Variants in KLC1 observed in about 807,000 individuals in gnomAD.
KLC1 encodes kinesin light chain 1.
KLC1 carries 30 observed loss-of-function variants against 84.2 expected under a neutral mutation model. That is an observed-to-expected ratio of 0.36 (90% confidence interval 0.27 to 0.48). The LOEUF (loss-of-function observed/expected upper bound fraction) is 0.48, where lower values mean the gene tolerates loss of function less well. Ranked by LOEUF, KLC1 falls within the 20% of genes least tolerant of loss-of-function variation. KLC1 has a pLI of 0.99. For synonymous variants in KLC1, 289 were observed against 293.3 expected (o/e 0.99, Z 0.15); for missense variants, 499 against 805.4 (o/e 0.62, Z 4.60).
chr14:103,657,884 C>A, intron 3 of KLC1, 108 bp downstream of exon 3: 2 of 788,394 alleles, frequency 2.5e-6, no homozygotes, highest in Non-Finnish European at 2.0e-6. Flanking sequence ...CATATTAGAA[C>A]ATTAGAACAT....
At chr14:103,634,355 T>C (rs74812389) in intron 1 of KLC1, among the ~76,000 whole-genome samples, 2,613 of 152,264 alleles carry the variant, frequency 0.017, 67 homozygotes, top group African/African-American at 0.056. Flanking sequence ...ATTTGGGTGA[T>C]TCACTGGCTG....
intron 13 of KLC1, among the ~76,000 whole-genome samples, chr14:103,684,587 G>A (rs2081626839): frequency 6.6e-6 from 1 of 152,244 alleles, no homozygotes. Flanking sequence ...GGTCTGCAGA[G>A]GCTCAGGGAG....
intron 14 of KLC1, among the ~76,000 whole-genome samples, chr14:103,690,470 A>T (rs1191726153): frequency 6.6e-6 from 1 of 152,210 alleles, no homozygotes; most frequent in African/African-American, 2.4e-5. Context: ...GCCATGTGCC[A>T]GGCGCTGTGC....
chr14:103,692,535 G>T, intron 15 of KLC1, 110 bp downstream of exon 15: 1 of 800,308 alleles, frequency 1.2e-6, no homozygotes, highest in Non-Finnish European at 2.0e-6. Flanking sequence ...AGAGGGCTGG[G>T]GACGCCGCCA....
intron 5 of KLC1, among the ~76,000 whole-genome samples, chr14:103,666,636 A>ATTTTTTTTTTTTTTTT: frequency 6.9e-6 from 1 of 143,948 alleles, no homozygotes; most frequent in Non-Finnish European, 1.5e-5. Context: ...TTGCTCTTGT[A>ATTTTTTTTTTTTTTTT]CCCCTGGCTG....
chr14:103,660,158 C>G (rs2079156559), intron 3 of KLC1, among the ~76,000 whole-genome samples: 1 of 152,168 alleles, frequency 6.6e-6, no homozygotes, highest in South Asian at 2.1e-4. Context: ...CACATCTCCT[C>G]TAGGTTAGGG....
chr14:103,700,440 A>C, intron 15 of KLC1: 1 of 469,584 alleles, frequency 2.1e-6, no homozygotes, highest in Non-Finnish European at 3.7e-6. Flanking sequence ...GTGATGGGGG[A>C]GGGTGACACA....
chr14:103,683,385 C>T (rs1459409095), intron 13 of KLC1: 1 of 152,230 alleles, frequency 6.6e-6, no homozygotes, highest in African/African-American at 2.4e-5. Context: ...AAGCCGCCGT[C>T]ACCGTGAGTC....
At chr14:103,677,718 GGAGGCCAGCGTGGGCA>G (rs1409085868) in intron 12 of KLC1, among the ~76,000 whole-genome samples, 195 bp downstream of exon 12, 5 of 152,232 alleles carry the variant, frequency 3.3e-5, no homozygotes, top group African/African-American at 1.2e-4. Context: ...CAGCACTTTG[GGAGGCCAGCGTGGGCA>G]GATCACCTGA....
At chr14:103,679,253 T>G in intron 12 of KLC1, 131 bp from the exon 13 acceptor site, 2 of 1,241,172 alleles carry the variant, frequency 1.6e-6, no homozygotes, top group Non-Finnish European at 2.2e-6. Flanking sequence ...AAGGAACCAC[T>G]CTTCCAATGT....
chr14:103,631,755 A>T (rs1367569183), intron 1 of KLC1, among the ~76,000 whole-genome samples: 1 of 151,860 alleles, frequency 6.6e-6, no homozygotes, highest in Non-Finnish European at 1.5e-5. Flanking sequence ...CCACTACCAC[A>T]CCAGGCTGAT....
intron 5 of KLC1, among the ~76,000 whole-genome samples, chr14:103,668,290 T>G (rs1233819011): frequency 6.6e-6 from 1 of 152,214 alleles, no homozygotes; most frequent in Non-Finnish European, 1.5e-5. Context: ...ACTTATTCTG[T>G]GCTGGCCAGC....
intron 15 of KLC1, chr14:103,696,972 G>A (rs1382359791): frequency 2.0e-6 from 2 of 985,298 alleles, no homozygotes; most frequent in African/African-American, 3.5e-5. Context: ...CTTCCCTCCA[G>A]GGGCAGGAAC....
At chr14:103,646,108 C>G (rs776211158) in intron 1 of KLC1, among the ~76,000 whole-genome samples, 1 of 152,082 alleles carries the variant, frequency 6.6e-6, no homozygotes, top group Non-Finnish European at 1.5e-5. Context: ...CCCTCATTGA[C>G]CAAAATGTCA....
At chr14:103,688,638 C>G (rs1341560866) in intron 14 of KLC1, among the ~76,000 whole-genome samples, 2 of 152,028 alleles carry the variant, frequency 1.3e-5, no homozygotes, top group African/African-American at 4.8e-5. Flanking sequence ...CTGTGGGAGT[C>G]TCTGTCGTGG....
chr14:103,661,816 C>T (rs1236756450), intron 3 of KLC1, among the ~76,000 whole-genome samples: 1 of 152,100 alleles, frequency 6.6e-6, no homozygotes, highest in Non-Finnish European at 1.5e-5. Flanking sequence ...AGGGTTTTCC[C>T]TGCTCTCCTA....
chr14:103,652,481 A>G (rs1350500711), intron 1 of KLC1, among the ~76,000 whole-genome samples: 7 of 152,004 alleles, frequency 4.6e-5, no homozygotes, highest in Admixed American at 3.9e-4. Flanking sequence ...TGTCAGGTAG[A>G]GGAGTGGCCT....
intron 15 of KLC1, 49 bp downstream of exon 15, chr14:103,692,474 G>A (rs1175473158): frequency 2.0e-6 from 3 of 1,496,530 alleles, no homozygotes; most frequent in Admixed American, 2.0e-5. Flanking sequence ...GACCACGCTG[G>A]CAGGTCTGCT....
Position 103,694,107 on chromosome 14 carries a change from G to A in KLC1, c.1848+1682G>A. 1.0e-6 allele frequency: 1 copy of A among 985,132 alleles called. No homozygotes were observed. The highest frequency in any genetic ancestry group is 1.2e-6 in the Non-Finnish European group (1 of 829,520). The allele number at this position is 985,132 out of a possible 1,614,324, so 61.0% of individuals were successfully genotyped here. ...CTTAGCGGACACTGGTCAGTGGGAA[G>A]TGAATTCCTTCCCAGCTGGAGCATC... is the stretch of plus-strand genomic sequence containing the variant. On this transcript the variant is annotated intron_variant, in intron 15 of 16. Transcript: ENST00000334553. The surrounding 1 kb of genome is among the most constrained non-coding windows in gnomAD (Gnocchi z 4.5).
Sources: gnomAD v4.1 joint callset for allele counts (sites outside exome capture counted in the v4.1 genomes callset) on GRCh38, gnomAD v4.1.1 for gene constraint, Gnocchi (gnomAD v3.1) non-coding constraint, MANE v1.5 for transcripts, NCBI Gene and HGNC (gene_info 2026-07-23, HGNC 2026-07-21) for gene names.